The following CACYBP variants were observed in gnomAD, a reference collection of about 807,000 sequenced individuals.
CACYBP encodes the protein calcyclin-binding protein.
Under a neutral mutation model 29.6 loss-of-function variants are expected in CACYBP, and 11 were observed. That is an observed-to-expected ratio of 0.37 (90% CI 0.23 to 0.61). The LOEUF is 0.61. Among genes scored for constraint, CACYBP ranks in the 20% least tolerant of loss-of-function variants. The pLI is 0.65. For missense variants in CACYBP, 163 were observed against 260.7 expected, an observed-to-expected ratio of 0.63 and a Z score of 2.58; for synonymous variants, 73 against 88.3, an observed-to-expected ratio of 0.83 and a Z score of 0.97.
chr1:175,010,543 T>TTA lies in CACYBP; in HGVS notation c.*465_*466dup, dbSNP rs1353390145. ...TTGCTGTAGAGCATCTGACCCCTTA[T>TTA]TACCACCTTAAGCAATGTATATGCC... On this transcript the variant is annotated 3_prime_UTR_variant, in exon 6 of 6. Transcript: ENST00000367679. The TTA allele has an allele frequency of 7.8e-5, 12 of 153,140 alleles. No homozygotes were observed. The highest frequency in any genetic ancestry group is 1.0e-4 in the Non-Finnish European group (7 of 68,724). The allele number at this position is 153,140 out of a possible 1,614,324, so 9.5% of individuals were successfully genotyped here.
At position 175,010,125 on chromosome 1, in the gene CACYBP, G is replaced by T. The variant is rs1672714050; in HGVS notation, c.*46G>T. The stretch of plus-strand genomic sequence containing the variant: ...AACTGTGATGTGATGTGGAAATACT[G>T]ATGTTTCCAGTAAGGGAATATTGGT... On this transcript the variant is annotated 3_prime_UTR_variant, in exon 6 of 6. Coordinates refer to ENST00000367679, the MANE Select transcript of CACYBP (RefSeq NM_014412.3). The T allele has an allele frequency of 1.3e-6, 2 of 1,495,774 alleles. No individual in the cohort carries two copies. The highest frequency in any genetic ancestry group is 1.2e-5 in the South Asian group (1 of 84,398). 92.7% of individuals were successfully genotyped at this position (1,495,774 alleles called of 1,614,324 possible).
At position 175,005,157 on chromosome 1, in the gene CACYBP, AACC is replaced by A. The variant is rs1672588558; in HGVS notation, c.235+330_235+332del. 5.6e-5 allele frequency: 19 copies of A among 339,640 alleles called. 1 individual carries two copies. The highest frequency in any genetic ancestry group is 5.0e-4 in the South Asian group (18 of 35,802). 21.0% of individuals were successfully genotyped at this position (339,640 alleles called of 1,614,324 possible). ...ATCATGTTTTATGTTTCACTCTGCC[AACC>A]ACCACAATTAACTGAGGAGAGGAAT... is the stretch of plus-strand genomic sequence containing the variant. On this transcript the variant is annotated intron_variant, in intron 2 of 5. Transcript: ENST00000367679.
chr1:175,003,577 T>G (rs1268657886), intron 1 of CACYBP, among the ~76,000 whole-genome samples: 2 of 152,264 alleles, frequency 1.3e-5, no homozygotes, highest in Non-Finnish European at 2.9e-5. Context: ...AACTCTGTTG[T>G]GCGTCTGATA....
intron 2 of CACYBP, 167 bp from the exon 3 acceptor site, chr1:175,006,578 G>A: frequency 3.8e-6 from 2 of 520,328 alleles, no homozygotes; most frequent in East Asian, 3.2e-5. Context: ...ACTGCTTTGA[G>A]GCTCCATTTC....
chr1:175,006,499 A>G (rs999991596), intron 2 of CACYBP: 9 of 316,260 alleles, frequency 2.8e-5, no homozygotes, highest in Middle Eastern at 1.7e-3. Context: ...TAGGTTTTGT[A>G]TTCAGAAACC....
chr1:175,007,143 C>G lies in CACYBP; in HGVS notation c.378C>G (p.Ser126=), dbSNP rs1217461704. 2 of 1,612,358 alleles carry G rather than the reference C, an allele frequency of 1.2e-6. No individual in the cohort carries two copies. The highest frequency in any genetic ancestry group is 1.7e-4 in the Middle Eastern group (1 of 5,994). ...AGAATCTAAATGGGAAGAGTTACTC[C>G]ATGATTGTGAACAATCTCTTGAAAC... is the stretch of plus-strand genomic sequence containing the variant. The part of the protein sequence containing the change: ...LVKNLNGKSY[S]MIVNNLLKPI... The change falls in exon 4 of 6, where the codon TCC becomes TCG. Residue 126 remains serine, a synonymous_variant. Transcript: ENST00000367679.
intron 5 of CACYBP, among the ~76,000 whole-genome samples, chr1:175,009,539 G>A (rs1032202074): frequency 4.0e-5 from 6 of 151,634 alleles, no homozygotes; most frequent in Admixed American, 6.6e-5. Context: ...CCAGCTACTC[G>A]GGAGGCTGAG....
chr1:175,005,001 A>G, intron 2 of CACYBP, 168 bp downstream of exon 2: 1 of 667,090 alleles, frequency 1.5e-6, no homozygotes. Context: ...ATAGGAAAGG[A>G]TGCGTTCTAG....
At position 175,000,097 on chromosome 1, in the gene CACYBP, G is replaced by T. The variant is rs1380676820; in HGVS notation, c.-84G>T. 2.6e-6 allele frequency: 4 copies of T among 1,542,824 alleles called. No homozygotes were observed. Among genetic ancestry groups the T allele is most frequent in the South Asian group, 1.2e-5 (1 of 84,382 alleles). ...GCGACTCGTGCGGGTAGGCGTCTGC[G>T]CTCGGTTTGAGGGCTCGGCGCGGGG... On this transcript the variant is annotated 5_prime_UTR_variant, in exon 1 of 6. Transcript: ENST00000367679.
chr1:175,004,975 CTT>C (rs1379264841), intron 2 of CACYBP, 142 bp downstream of exon 2: 2 of 701,986 alleles, frequency 2.8e-6, no homozygotes, highest in Admixed American at 4.4e-5. Context: ...TTTAATAAAA[CTT>C]TTTTAAGATA....
intron 1 of CACYBP, among the ~76,000 whole-genome samples, chr1:175,002,953 T>C (rs1173222655): frequency 1.3e-5 from 2 of 152,186 alleles, no homozygotes. Flanking sequence ...AATTAGGAGT[T>C]GTAGAATCAG....
chr1:175,008,764 T>TTTAATAG, intron 5 of CACYBP, 58 bp downstream of exon 5: 2 of 847,456 alleles, frequency 2.4e-6, no homozygotes, highest in Non-Finnish European at 4.1e-6. Context: ...ATCATGGATT[T>TTTAATAG]TTAATAGTTT....
Position 175,011,657 on chromosome 1 carries a change from A to G in CACYBP, c.*1578A>G, listed in dbSNP as rs1206645826. 3 of 152,224 alleles carry G rather than the reference A, an allele frequency of 2.0e-5. No individual in the cohort carries two copies. Among genetic ancestry groups the G allele is most frequent in the Non-Finnish European group, 1.5e-5 (1 of 68,034 alleles). 9.4% of individuals were successfully genotyped at this position (152,224 alleles called of 1,614,324 possible). On this transcript the variant is annotated 3_prime_UTR_variant, in exon 6 of 6. Transcript: ENST00000367679. ...AAAAGAAATGTAAATGACCTTTAACATGTAAAGATGCTCACCTTGTTCAGA... is the reference window on the plus strand; with the variant it reads ...AAAAGAAATGTAAATGACCTTTAACGTGTAAAGATGCTCACCTTGTTCAGA...
intron 2 of CACYBP, among the ~76,000 whole-genome samples, chr1:175,005,809 T>C (rs1464361576): frequency 1.3e-5 from 2 of 152,184 alleles, no homozygotes; most frequent in Non-Finnish European, 2.9e-5. Context: ...ATCCGGAGGA[T>C]GGACTGACTG....
chr1:175,001,005 G>A (rs1280415132), intron 1 of CACYBP, among the ~76,000 whole-genome samples: 1 of 152,216 alleles, frequency 6.6e-6, no homozygotes, highest in Non-Finnish European at 1.5e-5. Context: ...TAAGTGTTGG[G>A]TGTGTATTAA....
chr1:175,002,980 T>C (rs7533443), intron 1 of CACYBP, among the ~76,000 whole-genome samples: 2,414 of 150,220 alleles, frequency 0.016, 57 homozygotes, highest in African/African-American at 0.054. Context: ...TTTGAAACCA[T>C]TACAATAAAA....
At chr1:174,999,635 G>A, upstream of CACYBP, 1 of 225,232 alleles carries the variant, frequency 4.4e-6, no homozygotes. Context: ...GTGTCCTAGA[G>A]CGGACGAAAG....
At chr1:175,008,968 G>A (rs1461459833) in intron 5 of CACYBP, 1 of 338,200 alleles carries the variant, frequency 3.0e-6, no homozygotes, top group Non-Finnish European at 5.4e-6. Flanking sequence ...GTTTGAGAGG[G>A]GCTTAGGTAC....
intron 1 of CACYBP, 48 bp downstream of exon 1, chr1:175,000,243 A>G: frequency 6.4e-7 from 1 of 1,569,114 alleles, no homozygotes; most frequent in Non-Finnish European, 8.6e-7. Context: ...CTGGAGCTGC[A>G]GCGCCAGCCT....
Sources: allele counts gnomAD v4.1 joint callset (sites outside exome capture counted in the v4.1 genomes callset), GRCh38; gene constraint gnomAD v4.1.1; transcripts MANE v1.5; gene names NCBI Gene and HGNC (gene_info 2026-07-23, HGNC 2026-07-21).